MBD5: variants seen among roughly 807,000 people sequenced by gnomAD.
MBD5 encodes methyl-CpG-binding domain protein 5.
MBD5 carries 13 observed loss-of-function variants against 117.3 expected under a neutral mutation model. The ratio of observed to expected loss-of-function variants is 0.11; its 90% CI spans 0.07 to 0.18. The LOEUF is 0.18. Ranked by LOEUF, MBD5 falls within the 10% of genes least tolerant of loss-of-function variation. The probability of loss-of-function intolerance (pLI) is 1.00; values close to 1 mark genes in which losing one functional copy is unlikely to be tolerated. For missense variants in MBD5, 1,879 were observed against 2,093.8 expected (o/e 0.90, Z 2.00); for synonymous variants, 727 against 766.4 (o/e 0.95, Z 0.85).
chr2:148,082,133 A>G lies in MBD5; in HGVS notation c.-925+60449A>G, dbSNP rs11891872. Among the ~76,000 whole-genome samples the G allele has an allele frequency of 3.1e-3, 479 of 152,272 alleles. 6 individuals are homozygous for G. The highest frequency in any genetic ancestry group is 0.011 in the African/African-American group (456 of 41,554). ...GCAAAACCAGAGGCATTTCTCATGAATCCTTTAGATTATGAGAAAGCAAAA... is the reference window on the plus strand; with the variant it reads ...GCAAAACCAGAGGCATTTCTCATGAGTCCTTTAGATTATGAGAAAGCAAAA... On this transcript the variant is annotated intron_variant, in intron 1 of 13. Transcript: ENST00000642680.
At position 148,333,129 on chromosome 2, in the gene MBD5, G is replaced by A. The variant is rs188970352; in HGVS notation, c.-679-9085G>A. On this transcript the variant is annotated intron_variant, in intron 3 of 13. Transcript: ENST00000642680. ...CATGGATGTAGTTCTTCTCTTATAT[G>A]TTAGAAACATTTTTTCAAATTTTAT... Among the ~76,000 whole-genome samples, 133 of 152,060 alleles carry A rather than the reference G, an allele frequency of 8.7e-4. 1 individual carries two copies. The highest frequency in any genetic ancestry group is 3.0e-3 in the African/African-American group (124 of 41,484).
At chr2:148,276,672 A>G (rs1040498084) in intron 3 of MBD5, among the ~76,000 whole-genome samples, 4 of 152,072 alleles carry the variant, frequency 2.6e-5, no homozygotes, top group Non-Finnish European at 5.9e-5. Context: ...TTTTATAGCA[A>G]TTTTTTCTCC....
rs200416407 is a variant in MBD5 at position 148,201,547 on chromosome 2, A to G, written c.-831+22754A>G. On this transcript the variant is annotated intron_variant, in intron 2 of 13. Transcript: ENST00000642680. ...CTTGGCCTTGCTGCTGCTTCTTGTC[A>G]TATGGGATGGCTGCCCTCTGCTGGC... is the stretch of plus-strand genomic sequence containing the variant. Among the ~76,000 whole-genome samples the G allele has an allele frequency of 3.9e-4, 59 of 152,174 alleles. No individual in the cohort carries two copies. In the East Asian group the frequency reaches 8.3e-3, roughly 22 times the overall value.
chr2:148,329,568 A>G (rs1364534988), intron 3 of MBD5, among the ~76,000 whole-genome samples: 2 of 152,194 alleles, frequency 1.3e-5, no homozygotes, highest in African/African-American at 4.8e-5. Context: ...TTAGTAGAGA[A>G]TACATATTTT....
At chr2:148,064,482 G>A (rs1695130518) in intron 1 of MBD5, among the ~76,000 whole-genome samples, 1 of 152,092 alleles carries the variant, frequency 6.6e-6, no homozygotes, top group Non-Finnish European at 1.5e-5. Flanking sequence ...TCTACCAGAT[G>A]AGATTATCTA....
At chr2:148,071,274 ATATGTGTGTGTGTGTGTGTG>A (rs1442550246) in intron 1 of MBD5, 15 of 135,050 alleles carry the variant, frequency 1.1e-4, no homozygotes, top group Admixed American at 2.2e-4. Context: ...ATATATCTGT[ATATGTGTGTGTGTGTGTGTG>A]TGTGTGTGTG....
At chr2:148,085,531 C>G (rs963016821) in intron 1 of MBD5, among the ~76,000 whole-genome samples, 1 of 151,542 alleles carries the variant, frequency 6.6e-6, no homozygotes, top group South Asian at 2.1e-4. Flanking sequence ...GAGACCATCC[C>G]GGCTAAAACG....
chr2:148,395,400 G>A (rs1704679909), intron 4 of MBD5, among the ~76,000 whole-genome samples: 1 of 148,450 alleles, frequency 6.7e-6, no homozygotes, highest in Non-Finnish European at 1.5e-5. Context: ...TACTCCTAAT[G>A]AAGAGAATCC....
intron 4 of MBD5, among the ~76,000 whole-genome samples, chr2:148,433,235 A>AT (rs1553514881): frequency 6.6e-6 from 1 of 151,886 alleles, no homozygotes; most frequent in Non-Finnish European, 1.5e-5. Context: ...ACTTTGCTTA[A>AT]TTTTTTATCA....
intron 2 of MBD5, among the ~76,000 whole-genome samples, chr2:148,208,054 C>A (rs1438604125): frequency 6.6e-6 from 1 of 152,082 alleles, no homozygotes; most frequent in Non-Finnish European, 1.5e-5. Flanking sequence ...GTTGGCAGAG[C>A]CATTCTCCTT....
chr2:148,500,316 T>A, intron 11 of MBD5, among the ~76,000 whole-genome samples: 1 of 152,004 alleles, frequency 6.6e-6, no homozygotes, highest in Admixed American at 6.6e-5. Context: ...TATATATATA[T>A]AAAATGACTA....
At chr2:148,432,596 T>A (rs956157595) in intron 4 of MBD5, among the ~76,000 whole-genome samples, 1 of 152,182 alleles carries the variant, frequency 6.6e-6, no homozygotes, top group Non-Finnish European at 1.5e-5. Context: ...GCTAGACAAT[T>A]ATCCCGTCAA....
At chr2:148,498,141 G>A (rs1681758833) in intron 11 of MBD5, among the ~76,000 whole-genome samples, 1 of 152,186 alleles carries the variant, frequency 6.6e-6, no homozygotes. Flanking sequence ...GACTGAAAAG[G>A]TGAGCTTGAG....
intron 1 of MBD5, among the ~76,000 whole-genome samples, chr2:148,130,974 C>A (rs1319329531): frequency 1.3e-5 from 2 of 152,142 alleles, no homozygotes; most frequent in Non-Finnish European, 2.9e-5. Flanking sequence ...CTGCATCCAT[C>A]CATAACATCT....
chr2:148,475,544 T>C (rs1680937089), intron 8 of MBD5, among the ~76,000 whole-genome samples: 1 of 152,158 alleles, frequency 6.6e-6, no homozygotes, highest in South Asian at 2.1e-4. Flanking sequence ...AGTGGTGATA[T>C]GTTTGCTGAT....
chr2:148,130,772 G>C (rs1235572023), intron 1 of MBD5, among the ~76,000 whole-genome samples: 1 of 152,154 alleles, frequency 6.6e-6, no homozygotes, highest in Non-Finnish European at 1.5e-5. Context: ...TTGCTATCCA[G>C]CTCTTTCTCG....
chr2:148,022,713 G>A (rs764930339), intron 1 of MBD5, among the ~76,000 whole-genome samples: 7 of 152,112 alleles, frequency 4.6e-5, no homozygotes, highest in Non-Finnish European at 7.4e-5. Flanking sequence ...ATTGCCCACT[G>A]TATGTAAAAG....
At chr2:148,482,615 T>C (rs1681194138) in intron 8 of MBD5, among the ~76,000 whole-genome samples, 1 of 152,242 alleles carries the variant, frequency 6.6e-6, no homozygotes, top group South Asian at 2.1e-4. Flanking sequence ...TTCTGCCTTA[T>C]ATTTTTATGT....
chr2:148,375,694 G>A (rs959933932), intron 4 of MBD5, among the ~76,000 whole-genome samples: 3 of 151,936 alleles, frequency 2.0e-5, no homozygotes, highest in Non-Finnish European at 4.4e-5. Context: ...AAAATTTGGG[G>A]GCTGTCACAG....
Sources: gnomAD v4.1 joint callset for allele counts (sites outside exome capture counted in the v4.1 genomes callset) on GRCh38, gnomAD v4.1.1 for gene constraint, MANE v1.5 for transcripts, NCBI Gene and HGNC (gene_info 2026-07-23, HGNC 2026-07-21) for gene names.